TRANK1: variants seen among roughly 807,000 people sequenced by gnomAD.
TRANK1 encodes TPR and ankyrin repeat-containing protein 1.
A neutral mutation model predicts 266.0 loss-of-function variants in TRANK1; 198 were observed. That is an observed-to-expected ratio of 0.74 (90% CI 0.66 to 0.84). The LOEUF (loss-of-function observed/expected upper bound fraction) is 0.84, where lower values mean the gene tolerates loss of function less well. Ranked by LOEUF, TRANK1 falls within the 40% of genes least tolerant of loss-of-function variation. The probability of loss-of-function intolerance (pLI) is 0.00; values close to 1 mark genes in which losing one functional copy is unlikely to be tolerated. For synonymous variants in TRANK1, 1,396 were observed against 1,384.1 expected (o/e 1.01, Z -0.19); for missense variants, 3,326 against 3,634.6 (o/e 0.92, Z 2.18).
intron 1 of TRANK1, among the ~76,000 whole-genome samples, chr3:36,944,223 T>A (rs1035462528): frequency 6.6e-6 from 1 of 152,180 alleles, no homozygotes; most frequent in Non-Finnish European, 1.5e-5. Flanking sequence ...CCCAGGCTGA[T>A]GGACCGTGCA....
At chr3:36,881,288 C>G (rs1209114276) in intron 8 of TRANK1, among the ~76,000 whole-genome samples, 1 of 152,040 alleles carries the variant, frequency 6.6e-6, no homozygotes, top group Non-Finnish European at 1.5e-5. Context: ...CCCATCTCTA[C>G]TAAAAATACA....
intron 14 of TRANK1, 38 bp from the exon 15 acceptor site, chr3:36,851,894 A>T (rs1354710278): frequency 6.4e-7 from 1 of 1,554,306 alleles, no homozygotes; most frequent in East Asian, 2.3e-5. Flanking sequence ...TCTACAGAGA[A>T]AACCCCAGTA....
chr3:36,895,244 A>G (rs1050157991), intron 5 of TRANK1, among the ~76,000 whole-genome samples: 1 of 152,080 alleles, frequency 6.6e-6, no homozygotes, highest in African/African-American at 2.4e-5. Context: ...CACTACCCAA[A>G]TGTTAGCAGC....
intron 2 of TRANK1, among the ~76,000 whole-genome samples, chr3:36,906,694 G>T (rs2079973362): frequency 6.6e-6 from 1 of 152,136 alleles, no homozygotes; most frequent in South Asian, 2.1e-4. Flanking sequence ...AAAGGAAGGA[G>T]CCACAAGCCA....
chr3:36,912,186 T>C (rs2080061693), intron 1 of TRANK1, among the ~76,000 whole-genome samples: 1 of 148,096 alleles, frequency 6.8e-6, no homozygotes, highest in Non-Finnish European at 1.5e-5. Flanking sequence ...TGAGACTCTG[T>C]CAAAAAAAAA....
intron 10 of TRANK1, among the ~76,000 whole-genome samples, chr3:36,863,759 T>C (rs1165408677): frequency 6.6e-6 from 1 of 152,224 alleles, no homozygotes; most frequent in African/African-American, 2.4e-5. Flanking sequence ...CCTTAAATAC[T>C]ATCATCTGCT....
At position 36,840,853 on chromosome 3, in the gene TRANK1, C is replaced by T. The variant is rs536220389; in HGVS notation, c.5280+1769G>A. ...GAGCACAGAACCACTCAGATGAACT[C>T]AGCACTGCCAATCCTTAGAACTGTG... On this transcript the variant is annotated intron_variant, in intron 18 of 23. Coordinates refer to ENST00000645898, the MANE Select transcript of TRANK1 (RefSeq NM_001329998.2). 2.0e-5 allele frequency among the ~76,000 whole-genome samples: 3 copies of T among 152,340 alleles called. No individual in the cohort carries two copies. In the East Asian group the frequency reaches 5.8e-4, roughly 29 times the overall value.
chr3:36,831,963 G>A lies in TRANK1; in HGVS notation c.7620C>T (p.Asn2540=). 5 of 1,614,062 alleles carry A rather than the reference G, an allele frequency of 3.1e-6. No individual in the cohort carries two copies. The highest frequency in any genetic ancestry group is 4.2e-6 in the Non-Finnish European group (5 of 1,179,912). Residue 2540 remains asparagine (N), a synonymous_variant, in exon 22 of 24, where the codon AAC becomes AAT. Transcript: ENST00000645898. The surrounding 1 kb of genome is among the most constrained non-coding windows in gnomAD (Gnocchi z 5.0). ...TGAAGGCATCAAGCAGGACGTTGAAGTTCACATTCTCATAGCCACATAGCA... is the reference window on the plus strand; with the variant it reads ...TGAAGGCATCAAGCAGGACGTTGAAATTCACATTCTCATAGCCACATAGCA... ...AKVLCGYENV[N]FNVLLDAFSE...
chr3:36,924,896 C>T (rs984079672), intron 1 of TRANK1, among the ~76,000 whole-genome samples: 1 of 152,232 alleles, frequency 6.6e-6, no homozygotes, highest in Admixed American at 6.5e-5. Flanking sequence ...TGGCCTTAAG[C>T]TAAAGAGGCT....
intron 1 of TRANK1, among the ~76,000 whole-genome samples, chr3:36,917,463 C>T (rs920846383): frequency 6.6e-6 from 1 of 152,128 alleles, no homozygotes; most frequent in Admixed American, 6.6e-5. Flanking sequence ...AGGCAGGAGA[C>T]ACAGAGAACC....
chr3:36,940,120 G>A (rs2080476567), intron 1 of TRANK1, among the ~76,000 whole-genome samples: 1 of 151,456 alleles, frequency 6.6e-6, no homozygotes, highest in Admixed American at 6.6e-5. Context: ...TCGAACCACA[G>A]GTGATCTACC....
chr3:36,879,737 T>C (rs1186314653), intron 8 of TRANK1, among the ~76,000 whole-genome samples: 2 of 112,154 alleles, frequency 1.8e-5, no homozygotes, highest in Non-Finnish European at 3.4e-5. Flanking sequence ...TATATATAAA[T>C]ATACAAATAT....
rs941513645 is a variant in TRANK1 at position 36,850,289 on chromosome 3, G to A, written c.4887+1430C>T. 6.1e-6 allele frequency: 6 copies of A among 985,276 alleles called. No individual in the cohort carries two copies. In the African/African-American group the frequency reaches 1.0e-4, roughly 17 times the overall value. The allele number at this position is 985,276 out of a possible 1,614,324, so 61.0% of individuals were successfully genotyped here. ...CTGATTTTATTAGCAAAATTTAACA[G>A]GAAAGGAATGTACATAAGGAACAGC... On this transcript the variant is annotated intron_variant, in intron 15 of 23. Transcript: ENST00000645898.
At chr3:36,922,531 G>T (rs1485732027) in intron 1 of TRANK1, among the ~76,000 whole-genome samples, 1 of 152,122 alleles carries the variant, frequency 6.6e-6, no homozygotes, top group Non-Finnish European at 1.5e-5. Flanking sequence ...CTTGAAACCA[G>T]AAGGTGGAGG....
At chr3:36,938,500 A>G (rs2080454883) in intron 1 of TRANK1, among the ~76,000 whole-genome samples, 1 of 151,810 alleles carries the variant, frequency 6.6e-6, no homozygotes, top group South Asian at 2.1e-4. Context: ...TACAGGCGTG[A>G]GCCACCAGGC....
intron 11 of TRANK1, among the ~76,000 whole-genome samples, chr3:36,859,494 C>T (rs1386400357): frequency 6.6e-6 from 1 of 151,994 alleles, no homozygotes; most frequent in African/African-American, 2.4e-5. Context: ...GTTCAACAGC[C>T]ACTTATGAGT....
chr3:36,933,758 A>C (rs1451249961), intron 1 of TRANK1, among the ~76,000 whole-genome samples: 1 of 152,218 alleles, frequency 6.6e-6, no homozygotes, highest in Non-Finnish European at 1.5e-5. Flanking sequence ...AGTGAGGAGA[A>C]AATATTTGGT....
In TRANK1 at chr3:36,895,716, T is replaced by G. The variant is rs754727330; in HGVS notation, c.476A>C (p.His159Pro). The change falls in exon 5 of 24, where the codon CAT becomes CCT. Residue 159 changes from histidine to proline, a missense_variant. Transcript: ENST00000645898. Reference protein sequence around the residue: ...VLQSFLPCFDHIFTTGFPTEV... With the variant: ...VLQSFLPCFDPIFTTGFPTEV... ...TGTTGGGAATCCAGTTGTGAAAATATGATCAAAGCAAGGCAAGAAACTTTG... is the reference window on the plus strand; with the variant it reads ...TGTTGGGAATCCAGTTGTGAAAATAGGATCAAAGCAAGGCAAGAAACTTTG... The G allele has an allele frequency of 6.5e-7, 1 of 1,536,202 alleles. No homozygotes were observed. Among genetic ancestry groups the G allele is most frequent in the South Asian group, 1.2e-5 (1 of 83,548 alleles).
chr3:36,866,044 C>CAGAAAGAAAAAGAA (rs2079215224), intron 9 of TRANK1, among the ~76,000 whole-genome samples: 1 of 92,384 alleles, frequency 1.1e-5, no homozygotes, highest in African/African-American at 3.7e-5. Flanking sequence ...GAGAGACAGA[C>CAGAAAGAAAAAGAA]AGAAAGAAAA....
Sources: gnomAD v4.1 joint callset for allele counts (sites outside exome capture counted in the v4.1 genomes callset) on GRCh38, gnomAD v4.1.1 for gene constraint, Gnocchi (gnomAD v3.1) non-coding constraint, MANE v1.5 for transcripts, NCBI Gene and HGNC (gene_info 2026-07-23, HGNC 2026-07-21) for gene names.